MRPS27: variants seen among roughly 807,000 people sequenced by gnomAD.
MRPS27 encodes mitochondrial ribosomal protein S27.
Under a neutral mutation model 48.9 loss-of-function variants are expected in MRPS27, and 43 were observed. The ratio of observed to expected loss-of-function variants is 0.88; its 90% CI spans 0.69 to 1.13. The LOEUF (loss-of-function observed/expected upper bound fraction) is 1.13. Among genes scored for constraint, MRPS27 ranks in the 50% most tolerant of loss-of-function variants. The pLI, the probability that MRPS27 is intolerant of heterozygous loss-of-function variation, is 0.00. For missense variants in MRPS27, 467 were observed against 476.3 expected, an observed-to-expected ratio of 0.98 and a Z score of 0.18; for synonymous variants, 188 against 171.9, an observed-to-expected ratio of 1.09 and a Z score of -0.73.
intron 4 of MRPS27, among the ~76,000 whole-genome samples, chr5:72,269,854 T>A (rs1749190493): frequency 6.6e-6 from 1 of 151,932 alleles, no homozygotes; most frequent in Admixed American, 6.6e-5. Context: ...CTTAGTCTAA[T>A]ATAAAAGCCA....
chr5:72,284,758 C>T lies in MRPS27; in HGVS notation c.281+10773G>A, dbSNP rs556929119. ...CACATAAACCACAGTGGCTACATCA[C>T]ACACTAAGTCCTACTCTTGTTTTTT... is the stretch of plus-strand genomic sequence containing the variant. On this transcript the variant is annotated intron_variant, in intron 4 of 10. Coordinates refer to ENST00000261413, the MANE Select transcript of MRPS27 (RefSeq NM_015084.3). Among the ~76,000 whole-genome samples the T allele has an allele frequency of 2.4e-3, 366 of 152,298 alleles. 1 individual carries two copies. The highest frequency in any genetic ancestry group is 8.5e-3 in the African/African-American group (354 of 41,566).
intron 1 of MRPS27, among the ~76,000 whole-genome samples, chr5:72,318,195 T>C (rs974156866): frequency 1.3e-5 from 2 of 152,206 alleles, no homozygotes; most frequent in Non-Finnish European, 2.9e-5. Context: ...GCAATGTAAG[T>C]GGTTGTCATG....
At chr5:72,299,061 T>G (rs1750061212) in intron 2 of MRPS27, among the ~76,000 whole-genome samples, 1 of 152,096 alleles carries the variant, frequency 6.6e-6, no homozygotes, top group African/African-American at 2.4e-5. Context: ...AAGTGGGTGG[T>G]AAGCACTGGG....
intron 4 of MRPS27, among the ~76,000 whole-genome samples, chr5:72,289,480 G>C (rs961524213): frequency 6.6e-6 from 1 of 151,494 alleles, no homozygotes; most frequent in Admixed American, 6.6e-5. Flanking sequence ...GGAGTACAGT[G>C]GTATGACCTC....
At chr5:72,303,624 G>T (rs112521152) in intron 2 of MRPS27, among the ~76,000 whole-genome samples, 2,568 of 152,068 alleles carry the variant, frequency 0.017, 85 homozygotes, top group African/African-American at 0.057. Context: ...TACAAAGAAA[G>T]AAACAACTAT....
At chr5:72,225,834 T>C (rs563327114) in intron 9 of MRPS27, among the ~76,000 whole-genome samples, 2 of 152,226 alleles carry the variant, frequency 1.3e-5, no homozygotes, top group Admixed American at 6.5e-5. Context: ...AGTTTTTTTT[T>C]CCTAGACAAT....
chr5:72,308,541 C>T (rs1439118597), intron 2 of MRPS27, among the ~76,000 whole-genome samples: 1 of 152,164 alleles, frequency 6.6e-6, no homozygotes, highest in Non-Finnish European at 1.5e-5. Flanking sequence ...CGCGCCCACT[C>T]GCCGCGTTCC....
Position 72,299,560 on chromosome 5 carries a change from G to T in MRPS27, c.152-1858C>A, listed in dbSNP as rs572314315. On this transcript the variant is annotated intron_variant, in intron 2 of 10. Coordinates refer to ENST00000261413, the MANE Select transcript of MRPS27 (RefSeq NM_015084.3). ...TAGCTATTCAAAACATTTAAAAATT[G>T]AAATTTATCAAGTGACTTTTATACC... is the stretch of plus-strand genomic sequence containing the variant. Among the ~76,000 whole-genome samples the T allele has an allele frequency of 3.3e-5, 5 of 152,322 alleles. No individual in the cohort carries two copies. In the South Asian group the frequency reaches 8.3e-4, roughly 25 times the overall value.
At chr5:72,292,493 C>A (rs1749853324) in intron 4 of MRPS27, among the ~76,000 whole-genome samples, 3 of 152,110 alleles carry the variant, frequency 2.0e-5, no homozygotes, top group Admixed American at 2.0e-4. Flanking sequence ...AACATTTAAG[C>A]CTATGTACTT....
intron 1 of MRPS27, among the ~76,000 whole-genome samples, chr5:72,317,427 T>G (rs975614490): frequency 6.6e-6 from 1 of 152,164 alleles, no homozygotes; most frequent in African/African-American, 2.4e-5. Flanking sequence ...CAGGCTGGAG[T>G]GCAATGGCAT....
At chr5:72,226,899 C>T (rs1332808136) in intron 8 of MRPS27, among the ~76,000 whole-genome samples, 7 of 152,156 alleles carry the variant, frequency 4.6e-5, no homozygotes, top group African/African-American at 1.7e-4. Context: ...ATTCCTGTGG[C>T]ACAGAACCTG....
chr5:72,314,229 AT>A, intron 1 of MRPS27, 71 bp from the exon 2 acceptor site: 3 of 1,075,190 alleles, frequency 2.8e-6, no homozygotes, highest in South Asian at 1.4e-5. Flanking sequence ...TTTATTAAAT[AT>A]ATCTTCACTA....
chr5:72,320,018 A>G (rs908402720), intron 1 of MRPS27, 131 bp downstream of exon 1: 2 of 866,830 alleles, frequency 2.3e-6, no homozygotes, highest in African/African-American at 1.7e-5. Flanking sequence ...CTTCTTCTGC[A>G]CTACCAAACA....
chr5:72,311,951 G>C (rs1306545802), intron 2 of MRPS27, among the ~76,000 whole-genome samples: 1 of 152,106 alleles, frequency 6.6e-6, no homozygotes, highest in East Asian at 1.9e-4. Context: ...TGGCCAATAG[G>C]CAAAACCCTG....
chr5:72,261,447 A>G (rs1748972486), intron 4 of MRPS27, among the ~76,000 whole-genome samples: 1 of 151,706 alleles, frequency 6.6e-6, no homozygotes, highest in African/African-American at 2.4e-5. Context: ...ATGGGGTTTT[A>G]CCATGTTGGC....
At chr5:72,226,999 A>G (rs1162299044) in intron 8 of MRPS27, 4 of 152,262 alleles carry the variant, frequency 2.6e-5, no homozygotes, top group African/African-American at 9.6e-5. Flanking sequence ...TGGGAAAGCC[A>G]GAGTAGGACA....
At chr5:72,223,314 C>A (rs1291438085) in intron 10 of MRPS27, among the ~76,000 whole-genome samples, 1 of 152,202 alleles carries the variant, frequency 6.6e-6, no homozygotes, top group Non-Finnish European at 1.5e-5. Flanking sequence ...TTTAGGTTAT[C>A]AAGCACATTT....
At chr5:72,243,576 C>T (rs1041727367) in intron 4 of MRPS27, among the ~76,000 whole-genome samples, 1 of 152,128 alleles carries the variant, frequency 6.6e-6, no homozygotes, top group South Asian at 2.1e-4. Flanking sequence ...CAGATTCTTA[C>T]TCAAAGAATT....
At chr5:72,229,570 A>G (rs566220465) in intron 7 of MRPS27, 1 of 146,456 alleles carries the variant, frequency 6.8e-6, no homozygotes, top group East Asian at 2.2e-4. Flanking sequence ...GGAGCCTTAC[A>G]AACATTTTTC....
Sources: gnomAD v4.1 joint callset for allele counts (sites outside exome capture counted in the v4.1 genomes callset) on GRCh38, gnomAD v4.1.1 for gene constraint, MANE v1.5 for transcripts, NCBI Gene and HGNC (gene_info 2026-07-23, HGNC 2026-07-21) for gene names.